PXDNL: variants seen among roughly 807,000 people sequenced by gnomAD.
The protein encoded by PXDNL is probable oxidoreductase PXDNL.
In PXDNL, 145 loss-of-function variants were observed where a neutral mutation model predicts 150.8. That is an observed-to-expected ratio of 0.96 (90% CI 0.84 to 1.10). PXDNL has a LOEUF of 1.10. Ranked by LOEUF, PXDNL falls within the 50% of genes least tolerant of loss-of-function variation. The pLI is 0.00. For missense variants in PXDNL, 2,087 were observed against 1,873.9 expected (o/e 1.11, Z -2.10); for synonymous variants, 757 against 725.7 (o/e 1.04, Z -0.69).
intron 4 of PXDNL, among the ~76,000 whole-genome samples, chr8:51,535,834 A>G (rs1029834493): frequency 3.3e-5 from 5 of 152,212 alleles, no homozygotes; most frequent in Admixed American, 2.0e-4. Flanking sequence ...CCTTAAAAAG[A>G]AAAGAATATT....
chr8:51,476,512 A>G (rs1009869045), intron 6 of PXDNL, among the ~76,000 whole-genome samples: 1 of 152,194 alleles, frequency 6.6e-6, no homozygotes, highest in Non-Finnish European at 1.5e-5. Context: ...TAAGATAGGC[A>G]CACAAGTTAT....
intron 12 of PXDNL, among the ~76,000 whole-genome samples, chr8:51,437,537 T>A (rs561784752): frequency 6.6e-6 from 1 of 152,126 alleles, no homozygotes; most frequent in African/African-American, 2.4e-5. Context: ...GTTTAACATA[T>A]GCAAATCAAT....
chr8:51,714,381 C>T (rs1364992686), intron 1 of PXDNL, among the ~76,000 whole-genome samples: 1 of 152,160 alleles, frequency 6.6e-6, no homozygotes, highest in Non-Finnish European at 1.5e-5. Flanking sequence ...GAATAGCATT[C>T]TATTACCACT....
intron 2 of PXDNL, among the ~76,000 whole-genome samples, chr8:51,640,068 T>C (rs1311565385): frequency 6.6e-6 from 1 of 152,206 alleles, no homozygotes; most frequent in Non-Finnish European, 1.5e-5. Context: ...TCAATACATG[T>C]AATCCAGCAT....
rs1425374967 is a variant in PXDNL at position 51,499,747 on chromosome 8, T to A, written c.404A>T (p.Glu135Val). ...TCCAAAGGTCTCTGGCTGTAGCATT[T>A]CTAGTTGGTTGAAATGAATATACCT... Reference protein sequence around the residue: ...EHLYIHFNQLEMLQPETFGDL... With the variant: ...EHLYIHFNQLVMLQPETFGDL... Residue 135 changes from glutamate (E) to valine (V), a missense_variant, in exon 5 of 23, where the codon GAA (glutamate) becomes GTA (valine). By Grantham distance (121) the Glu-to-Val change is moderately radical (BLOSUM62 -2). Coordinates refer to ENST00000356297, the MANE Select transcript of PXDNL (RefSeq NM_144651.5). 2.5e-6 allele frequency: 4 copies of A among 1,613,544 alleles called. No homozygotes were observed. Among genetic ancestry groups the A allele is most frequent in the Non-Finnish European group, 3.4e-6 (4 of 1,179,512 alleles).
intron 2 of PXDNL, among the ~76,000 whole-genome samples, chr8:51,625,530 C>T (rs921800467): frequency 6.6e-6 from 1 of 152,150 alleles, no homozygotes; most frequent in Non-Finnish European, 1.5e-5. Context: ...ACGATAATTT[C>T]ATTCTCTTAG....
At chr8:51,644,193 T>G (rs116801617) in intron 2 of PXDNL, among the ~76,000 whole-genome samples, 2,660 of 148,020 alleles carry the variant, frequency 0.018, 75 homozygotes, top group African/African-American at 0.063. Context: ...ATAAAACAAT[T>G]ATAATATTTT....
chr8:51,331,631 G>A (rs1200618172), intron 21 of PXDNL, among the ~76,000 whole-genome samples: 1 of 152,104 alleles, frequency 6.6e-6, no homozygotes, highest in African/African-American at 2.4e-5. Context: ...ACAGACTAGG[G>A]GCTGTTGCAG....
At chr8:51,326,361 G>A (rs1464414475) in intron 21 of PXDNL, among the ~76,000 whole-genome samples, 1 of 152,136 alleles carries the variant, frequency 6.6e-6, no homozygotes, top group Non-Finnish European at 1.5e-5. Context: ...AGCCAAGCGT[G>A]GTGGCAGGCA....
intron 1 of PXDNL, among the ~76,000 whole-genome samples, chr8:51,765,298 T>A (rs1397610907): frequency 6.6e-6 from 1 of 152,190 alleles, no homozygotes; most frequent in Non-Finnish European, 1.5e-5. Context: ...GATGGTCTTA[T>A]AAGGTGAAAT....
intron 19 of PXDNL, 142 bp from the exon 20 acceptor site, chr8:51,346,089 T>A: frequency 1.8e-6 from 1 of 554,718 alleles, no homozygotes; most frequent in Non-Finnish European, 3.2e-6. Flanking sequence ...ACTCATTTAG[T>A]CCGTTCCATT....
Position 51,409,310 on chromosome 8 carries a change from C to A in PXDNL, c.2314G>T (p.Gly772Cys). 1 of 1,423,424 alleles carries A rather than the reference C, an allele frequency of 7.0e-7. No individual in the cohort carries two copies. The highest frequency in any genetic ancestry group is 1.5e-5 in the South Asian group (1 of 65,922). 88.2% of individuals were successfully genotyped at this position (1,423,424 alleles called of 1,614,324 possible). ...GGCGGCGGGAGGGGCTGGCGGGAGC[C>A]CACAGGAAGGCCGAGCCCGCGGGGC... ...RAPRGLGLPVGSRQPLPPPRL... is the reference protein window; with the variant it reads ...RAPRGLGLPVCSRQPLPPPRL... The change falls in exon 17 of 23, where the codon GGC (glycine) becomes TGC (cysteine). Residue 772 changes from glycine to cysteine, a missense_variant. Gly to Cys is a radical substitution (Grantham distance 159). Coordinates refer to ENST00000356297, the MANE Select transcript of PXDNL (RefSeq NM_144651.5).
chr8:51,641,540 G>A (rs1200662172), intron 2 of PXDNL, among the ~76,000 whole-genome samples: 6 of 152,002 alleles, frequency 3.9e-5, no homozygotes, highest in Non-Finnish European at 7.4e-5. Flanking sequence ...CAAAAAGTGG[G>A]CGAAGGACAT....
rs184226800 is a variant in PXDNL, at chr8:51,635,254, G to T, written c.236+19435C>A. On this transcript the variant is annotated intron_variant, in intron 2 of 22. Transcript: ENST00000356297. ...AGTGCTGAGAGAGAAATTTATAACT[G>T]TAAAGGCCTACATTTTCAAAAAGTA... 1.7e-3 allele frequency among the ~76,000 whole-genome samples: 260 copies of T among 152,176 alleles called. 3 individuals are homozygous for T. The highest frequency in any genetic ancestry group is 6.2e-4 in the Non-Finnish European group (42 of 67,968).
chr8:51,673,689 T>A (rs1366808050), intron 1 of PXDNL, among the ~76,000 whole-genome samples: 1 of 152,162 alleles, frequency 6.6e-6, no homozygotes, highest in South Asian at 2.1e-4. Context: ...TCAATCCTTT[T>A]AATGCAAAGA....
At chr8:51,579,033 T>C (rs1813150063) in intron 3 of PXDNL, among the ~76,000 whole-genome samples, 1 of 152,038 alleles carries the variant, frequency 6.6e-6, no homozygotes, top group Non-Finnish European at 1.5e-5. Flanking sequence ...GAAAATCTTC[T>C]GGATGGATAG....
chr8:51,376,145 A>T (rs1328980925), intron 17 of PXDNL, among the ~76,000 whole-genome samples: 1 of 152,210 alleles, frequency 6.6e-6, no homozygotes, highest in Non-Finnish European at 1.5e-5. Flanking sequence ...AGATATCCAT[A>T]TGTATATCTT....
intron 1 of PXDNL, among the ~76,000 whole-genome samples, chr8:51,806,305 C>T (rs1466180884): frequency 6.6e-6 from 1 of 152,060 alleles, no homozygotes; most frequent in Non-Finnish European, 1.5e-5. Context: ...GCATGTTGGC[C>T]ATTTGCAGAG....
At chr8:51,722,483 T>C (rs1816749942) in intron 1 of PXDNL, among the ~76,000 whole-genome samples, 1 of 152,212 alleles carries the variant, frequency 6.6e-6, no homozygotes, top group African/African-American at 2.4e-5. Context: ...GCCCTCTTGG[T>C]ACCTGGGTCC....
Sources: allele counts gnomAD v4.1 joint callset (sites outside exome capture counted in the v4.1 genomes callset), GRCh38; gene constraint gnomAD v4.1.1; transcripts MANE v1.5; gene names NCBI Gene and HGNC (gene_info 2026-07-23, HGNC 2026-07-21).